The following UNC5C variants were observed in gnomAD, a reference collection of about 807,000 sequenced individuals.
UNC5C encodes the protein netrin receptor UNC5C.
In UNC5C, 47 loss-of-function variants were observed where a neutral mutation model predicts 99.8. That is an observed-to-expected ratio of 0.47 (90% CI 0.37 to 0.60). The LOEUF is 0.60. UNC5C is among the 20% of genes least tolerant of loss of function. The pLI is 0.00. For synonymous variants in UNC5C, 487 were observed against 452.2 expected (o/e 1.08, Z -0.98); for missense variants, 1,062 against 1,165.9 (o/e 0.91, Z 1.30).
At chr4:95,277,243 T>C (rs1340949139) in intron 4 of UNC5C, among the ~76,000 whole-genome samples, 2 of 152,226 alleles carry the variant, frequency 1.3e-5, no homozygotes, top group African/African-American at 4.8e-5. Context: ...TAGGTCCCAA[T>C]TGCAACAACT....
chr4:95,506,591 C>G (rs1721929525), intron 1 of UNC5C, among the ~76,000 whole-genome samples: 1 of 151,926 alleles, frequency 6.6e-6, no homozygotes, highest in Non-Finnish European at 1.5e-5. Flanking sequence ...TTGAGTAAGG[C>G]TAATTTTTAC....
At chr4:95,520,995 A>G (rs544237616) in intron 1 of UNC5C, among the ~76,000 whole-genome samples, 1 of 152,118 alleles carries the variant, frequency 6.6e-6, no homozygotes, top group East Asian at 1.9e-4. Flanking sequence ...CCTCCAAGAA[A>G]CATTGTCTTA....
chr4:95,433,177 T>C (rs1206077916), intron 1 of UNC5C, among the ~76,000 whole-genome samples: 18 of 152,102 alleles, frequency 1.2e-4, no homozygotes, highest in Admixed American at 1.2e-3. Context: ...TTATACTTAG[T>C]CAAAGAAATA....
At chr4:95,406,035 G>A (rs1745821980) in intron 1 of UNC5C, among the ~76,000 whole-genome samples, 1 of 152,114 alleles carries the variant, frequency 6.6e-6, no homozygotes, top group Non-Finnish European at 1.5e-5. Flanking sequence ...AGGCGTCTCT[G>A]TTTGTTAAAA....
intron 1 of UNC5C, among the ~76,000 whole-genome samples, chr4:95,408,098 G>A (rs1458565490): frequency 6.6e-6 from 1 of 152,078 alleles, no homozygotes; most frequent in Middle Eastern, 3.2e-3. Flanking sequence ...ATTCCATTAT[G>A]TTGTTAATGT....
chr4:95,183,129 C>T lies in UNC5C; in HGVS notation c.2287-68G>A, dbSNP rs151142157. ...CCAAAAATAACTCTCAGATGGTCTG[C>T]TGCCAGGTACTCTGAGTATCACACC... On this transcript the variant is annotated intron_variant, in intron 13 of 15. Coordinates refer to ENST00000453304, the MANE Select transcript of UNC5C (RefSeq NM_003728.4). 8.5e-4 allele frequency: 1,260 copies of T among 1,474,860 alleles called. 9 individuals are homozygous for T. In the African/African-American group the frequency reaches 0.016, roughly 18 times the overall value. 91.4% of individuals were successfully genotyped at this position (1,474,860 alleles called of 1,614,324 possible).
At chr4:95,191,776 C>T (rs2149354894) in intron 12 of UNC5C, among the ~76,000 whole-genome samples, 1 of 147,270 alleles carries the variant, frequency 6.8e-6, no homozygotes, top group East Asian at 2.1e-4. Context: ...CTGCTCACCT[C>T]TTCTGCCCAC....
intron 3 of UNC5C, among the ~76,000 whole-genome samples, chr4:95,283,279 T>C (rs997145098): frequency 6.6e-6 from 1 of 152,244 alleles, no homozygotes; most frequent in African/African-American, 2.4e-5. Context: ...CAGGTTTAAC[T>C]AAACCATCAC....
At chr4:95,232,616 C>T (rs1579252455) in intron 7 of UNC5C, among the ~76,000 whole-genome samples, 1 of 152,122 alleles carries the variant, frequency 6.6e-6, no homozygotes, top group Admixed American at 6.5e-5. Flanking sequence ...CCCTTTCCAC[C>T]TAGAATCTAA....
Position 95,503,300 on chromosome 4 carries a change from G to T in UNC5C, c.124+45434C>A, listed in dbSNP as rs182014964. Among the ~76,000 whole-genome samples, 235 of 152,044 alleles carry T rather than the reference G, an allele frequency of 1.5e-3. 1 individual carries two copies. Among genetic ancestry groups the T allele is most frequent in the Admixed American group, 4.6e-3 (70 of 15,258 alleles). On this transcript the variant is annotated intron_variant, in intron 1 of 15. Coordinates refer to ENST00000453304, the MANE Select transcript of UNC5C (RefSeq NM_003728.4). ...AGCAAGAAGGCCCTAGAAAGTTGCC[G>T]GTACCTTAATATTGAACTTCCCACC...
chr4:95,245,251 C>T (rs930596202), intron 5 of UNC5C, 107 bp from the exon 6 acceptor site: 26 of 1,286,884 alleles, frequency 2.0e-5, no homozygotes, highest in African/African-American at 3.1e-5. Flanking sequence ...ATTTTCCAAG[C>T]GACCATTATA....
At chr4:95,528,312 G>T (rs1355297399) in intron 1 of UNC5C, among the ~76,000 whole-genome samples, 4 of 152,106 alleles carry the variant, frequency 2.6e-5, no homozygotes, top group Non-Finnish European at 5.9e-5. Context: ...TCTACAGGCT[G>T]CTTGTGCTTA....
intron 1 of UNC5C, among the ~76,000 whole-genome samples, chr4:95,380,553 G>A (rs1745040772): frequency 2.0e-5 from 3 of 150,578 alleles, no homozygotes; most frequent in East Asian, 3.9e-4. Flanking sequence ...CCAGATTACA[G>A]GCATAAGCCA....
intron 1 of UNC5C, among the ~76,000 whole-genome samples, chr4:95,377,738 C>T (rs1744938561): frequency 1.3e-5 from 2 of 152,146 alleles, no homozygotes; most frequent in African/African-American, 4.8e-5. Flanking sequence ...GGGGAATTCT[C>T]AGCTGACAGA....
chr4:95,534,648 T>C (rs1365136369), intron 1 of UNC5C, among the ~76,000 whole-genome samples: 1 of 152,188 alleles, frequency 6.6e-6, no homozygotes, highest in Admixed American at 6.5e-5. Context: ...AATTACATCA[T>C]GATTAACACA....
At chr4:95,336,885 T>C (rs1394441602) in intron 1 of UNC5C, among the ~76,000 whole-genome samples, 5 of 151,948 alleles carry the variant, frequency 3.3e-5, no homozygotes, top group South Asian at 2.1e-4. Context: ...AGTTTTTCCA[T>C]TGTTGAACAT....
intron 11 of UNC5C, among the ~76,000 whole-genome samples, chr4:95,203,878 T>C (rs1222363036): frequency 2.6e-5 from 4 of 152,176 alleles, no homozygotes; most frequent in Non-Finnish European, 5.9e-5. Flanking sequence ...ACCTAGATCA[T>C]GTGAGCAGTT....
At position 95,548,932 on chromosome 4, in the gene UNC5C, G is replaced by A; in HGVS notation, c.-75C>T. 1.3e-6 allele frequency: 2 copies of A among 1,568,712 alleles called. No individual in the cohort carries two copies. The highest frequency in any genetic ancestry group is 8.7e-7 in the Non-Finnish European group (1 of 1,149,256). On this transcript the variant is annotated 5_prime_UTR_variant, in exon 1 of 16. Transcript: ENST00000453304. ...AAACAGCTGAAAGCCCCACTGGGCAGAAGCTGAATCCGTGCACCGCGAAGC... is the reference window on the plus strand; with the variant it reads ...AAACAGCTGAAAGCCCCACTGGGCAAAAGCTGAATCCGTGCACCGCGAAGC...
intron 11 of UNC5C, among the ~76,000 whole-genome samples, chr4:95,206,083 C>T (rs1488987172): frequency 1.3e-5 from 2 of 151,538 alleles, no homozygotes; most frequent in African/African-American, 2.4e-5. Flanking sequence ...TCACTGCAAC[C>T]TCCGCCTCCC....
Sources: allele counts gnomAD v4.1 joint callset (sites outside exome capture counted in the v4.1 genomes callset), GRCh38; gene constraint gnomAD v4.1.1; transcripts MANE v1.5; gene names NCBI Gene and HGNC (gene_info 2026-07-23, HGNC 2026-07-21).